The following NELL2 variants were observed in gnomAD, a reference collection of about 807,000 sequenced individuals.
NELL2 encodes the protein neural EGFL like 2.
NELL2 carries 41 observed loss-of-function variants against 109.6 expected under a neutral mutation model. That is an observed-to-expected ratio of 0.37 (90% CI 0.29 to 0.49). NELL2 has a LOEUF of 0.49. Ranked by LOEUF, NELL2 falls within the 20% of genes least tolerant of loss-of-function variation. NELL2 has a pLI of 0.98. For missense variants in NELL2, 900 were observed against 1,008.3 expected (o/e 0.89, Z 1.45); for synonymous variants, 355 against 344.7 (o/e 1.03, Z -0.33).
At chr12:44,916,867 A>T (rs905622968), upstream of NELL2, among the ~76,000 whole-genome samples, 1 of 152,216 alleles carries the variant, frequency 6.6e-6, no homozygotes, top group African/African-American at 2.4e-5. Context: ...AAGCAGCTAG[A>T]TTATTTTTAC....
At chr12:44,882,424 TATAC>T (rs1255893111) in intron 1 of NELL2, among the ~76,000 whole-genome samples, 1 of 148,006 alleles carries the variant, frequency 6.8e-6, no homozygotes, top group East Asian at 2.0e-4. Context: ...ATGTTGAAAG[TATAC>T]ATACATACGT....
chr12:44,898,716 C>G (rs1194101675), intron 1 of NELL2, among the ~76,000 whole-genome samples: 4 of 152,194 alleles, frequency 2.6e-5, no homozygotes, highest in Non-Finnish European at 4.4e-5. Context: ...AGGATCACAA[C>G]TCCTCGCCAG....
intron 2 of NELL2, among the ~76,000 whole-genome samples, chr12:44,845,635 T>A (rs1944348186): frequency 6.6e-6 from 1 of 152,224 alleles, no homozygotes; most frequent in Non-Finnish European, 1.5e-5. Flanking sequence ...ATCCTCATTT[T>A]AAATTCAATG....
At chr12:44,578,258 A>C (rs900632918) in intron 15 of NELL2, among the ~76,000 whole-genome samples, 4 of 152,138 alleles carry the variant, frequency 2.6e-5, no homozygotes, top group African/African-American at 9.7e-5. Context: ...AAACATAATA[A>C]GATCTTTAAA....
At chr12:44,762,964 A>G (rs1941187111) in intron 9 of NELL2, among the ~76,000 whole-genome samples, 1 of 152,144 alleles carries the variant, frequency 6.6e-6, no homozygotes, top group Non-Finnish European at 1.5e-5. Flanking sequence ...CCATATTACT[A>G]TTTCTAGATC....
At chr12:44,519,280 G>A (rs1941413694) in intron 19 of NELL2, among the ~76,000 whole-genome samples, 1 of 152,110 alleles carries the variant, frequency 6.6e-6, no homozygotes, top group Non-Finnish European at 1.5e-5. Context: ...AAAGCATAAT[G>A]GCCACAAAAT....
At chr12:44,658,290 C>G (rs1320448387) in intron 13 of NELL2, among the ~76,000 whole-genome samples, 1 of 152,028 alleles carries the variant, frequency 6.6e-6, no homozygotes, top group African/African-American at 2.4e-5. Context: ...AAAAGCATTC[C>G]TATATACCAA....
intron 15 of NELL2, among the ~76,000 whole-genome samples, chr12:44,583,466 G>C (rs1343934744): frequency 6.6e-6 from 1 of 152,092 alleles, no homozygotes; most frequent in Non-Finnish European, 1.5e-5. Context: ...ACTATTTCTT[G>C]GGGTTTAGAT....
intron 15 of NELL2, among the ~76,000 whole-genome samples, chr12:44,592,366 T>C (rs1400714140): frequency 1.3e-5 from 2 of 152,202 alleles, no homozygotes; most frequent in Admixed American, 6.5e-5. Flanking sequence ...CAGTGGTATA[T>C]GTCATAATAA....
intron 3 of NELL2, among the ~76,000 whole-genome samples, chr12:44,809,440 G>T (rs1943104355): frequency 6.6e-6 from 1 of 151,978 alleles, no homozygotes; most frequent in Non-Finnish European, 1.5e-5. Flanking sequence ...ATCAGCCTGA[G>T]TGTCTTAACT....
intron 13 of NELL2, among the ~76,000 whole-genome samples, chr12:44,654,349 A>G (rs1947413634): frequency 6.6e-6 from 1 of 152,176 alleles, no homozygotes; most frequent in African/African-American, 2.4e-5. Context: ...CTTGTCCTTC[A>G]ACCTGATACA....
At chr12:44,818,257 C>T (rs1226807277) in intron 2 of NELL2, among the ~76,000 whole-genome samples, 2 of 152,294 alleles carry the variant, frequency 1.3e-5, no homozygotes, top group South Asian at 2.1e-4. Context: ...TTAATTCATT[C>T]TAATTTATAC....
At chr12:44,542,487 C>T (rs1942621366) in intron 15 of NELL2, among the ~76,000 whole-genome samples, 1 of 152,006 alleles carries the variant, frequency 6.6e-6, no homozygotes, top group Admixed American at 6.5e-5. Flanking sequence ...AGAATAGTGT[C>T]CCTTAAAAAA....
intron 2 of NELL2, among the ~76,000 whole-genome samples, chr12:44,858,329 C>A (rs1310817998): frequency 1.3e-5 from 2 of 152,168 alleles, no homozygotes; most frequent in Admixed American, 1.3e-4. Flanking sequence ...GTCTGGAATA[C>A]AATGTGACCT....
At chr12:44,901,749 A>G (rs1344795049) in intron 1 of NELL2, among the ~76,000 whole-genome samples, 6 of 152,200 alleles carry the variant, frequency 3.9e-5, no homozygotes, top group Non-Finnish European at 8.8e-5. Flanking sequence ...GGTTCAATAT[A>G]CACAAATCAA....
At chr12:44,800,399 G>T (rs1942788438) in intron 3 of NELL2, among the ~76,000 whole-genome samples, 1 of 152,096 alleles carries the variant, frequency 6.6e-6, no homozygotes, top group Non-Finnish European at 1.5e-5. Flanking sequence ...GTCCCCAAGA[G>T]AATACACTAA....
chr12:44,539,421 A>T (rs1226475205), intron 15 of NELL2, among the ~76,000 whole-genome samples: 1 of 152,164 alleles, frequency 6.6e-6, no homozygotes, highest in Non-Finnish European at 1.5e-5. Flanking sequence ...ACTTTGGGAG[A>T]ATTGAAATCT....
chr12:44,811,595 C>T (rs1295053103), intron 3 of NELL2, among the ~76,000 whole-genome samples: 2 of 151,994 alleles, frequency 1.3e-5, no homozygotes, highest in East Asian at 1.9e-4. Flanking sequence ...ATACTCCTAT[C>T]GCTTTACTCC....
intron 9 of NELL2, among the ~76,000 whole-genome samples, chr12:44,752,976 C>T (rs1940718885): frequency 6.6e-6 from 1 of 152,154 alleles, no homozygotes; most frequent in Admixed American, 6.5e-5. Flanking sequence ...AGCCACAGCT[C>T]CTTTTGCATG....
Sources: allele counts gnomAD v4.1 joint callset (sites outside exome capture counted in the v4.1 genomes callset), GRCh38; gene constraint gnomAD v4.1.1; transcripts MANE v1.5; gene names NCBI Gene and HGNC (gene_info 2026-07-23, HGNC 2026-07-21).